The following GRIA1 variants were observed in gnomAD, a reference collection of about 807,000 sequenced individuals.
The protein encoded by GRIA1 is glutamate receptor 1.
GRIA1 carries 31 observed loss-of-function variants against 99.2 expected under a neutral mutation model. The ratio of observed to expected loss-of-function variants is 0.31; its 90% confidence interval spans 0.23 to 0.42. The LOEUF is 0.42. GRIA1 is among the 10% of genes least tolerant of loss of function. The pLI is 1.00. For synonymous variants in GRIA1, 438 were observed against 432.4 expected, an observed-to-expected ratio of 1.01 and a Z score of -0.16; for missense variants, 782 against 1,157.5, an observed-to-expected ratio of 0.68 and a Z score of 4.71.
chr5:153,535,252 G>A (rs1191813810), intron 2 of GRIA1, among the ~76,000 whole-genome samples: 4 of 152,166 alleles, frequency 2.6e-5, no homozygotes, highest in Non-Finnish European at 5.9e-5. Flanking sequence ...GGGTTGTTAG[G>A]ATAAGGTGGG....
In GRIA1 at chr5:153,490,983, G is replaced by A; in HGVS notation, c.82+13G>A. ...AATATCCAGATCGGTGAGTGAGGGG[G>A]CAGCCTGGGGAGGGACTTTCTGGGT... On this transcript the variant is annotated intron_variant, in intron 1 of 15. Transcript: ENST00000285900. The A allele has an allele frequency of 1.2e-6, 2 of 1,611,596 alleles. No homozygotes were observed. Among genetic ancestry groups the A allele is most frequent in the Admixed American group, 1.7e-5 (1 of 60,024 alleles).
chr5:153,734,203 A>G (rs1004475879), intron 11 of GRIA1, among the ~76,000 whole-genome samples: 3 of 152,100 alleles, frequency 2.0e-5, no homozygotes, highest in African/African-American at 4.8e-5. Flanking sequence ...AAGCTCCCCA[A>G]TTCCTGCATG....
At chr5:153,783,281 C>CAGGACAGAGGGAGT (rs1764755662) in intron 13 of GRIA1, among the ~76,000 whole-genome samples, 1 of 152,176 alleles carries the variant, frequency 6.6e-6, no homozygotes, top group Non-Finnish European at 1.5e-5. Context: ...TGTTTCCACT[C>CAGGACAGAGGGAGT]CCTCCATTAA....
intron 11 of GRIA1, among the ~76,000 whole-genome samples, chr5:153,725,836 C>T (rs1760481998): frequency 7.4e-6 from 1 of 135,768 alleles, no homozygotes; most frequent in Admixed American, 7.6e-5. Context: ...ATCAACGAGA[C>T]AGAAAATTAA....
chr5:153,534,601 G>C (rs1208105774), intron 2 of GRIA1, among the ~76,000 whole-genome samples: 1 of 152,192 alleles, frequency 6.6e-6, no homozygotes, highest in Non-Finnish European at 1.5e-5. Flanking sequence ...TAATGTATTG[G>C]TAGTTGCTCA....
At chr5:153,629,749 C>T (rs75052125) in intron 2 of GRIA1, among the ~76,000 whole-genome samples, 1 of 152,174 alleles carries the variant, frequency 6.6e-6, no homozygotes, top group African/African-American at 2.4e-5. Flanking sequence ...TAAGGGATTG[C>T]CCTTCCCTCT....
At chr5:153,770,016 C>A in intron 12 of GRIA1, 152 bp from the exon 13 acceptor site, 1 of 727,592 alleles carries the variant, frequency 1.4e-6, no homozygotes, top group Non-Finnish European at 2.4e-6. Flanking sequence ...CTAATTAGAG[C>A]CTCTTATTTT....
At chr5:153,490,547 T>G, upstream of GRIA1, 1 of 372,864 alleles carries the variant, frequency 2.7e-6, no homozygotes, top group Non-Finnish European at 5.0e-6. Context: ...CCTGTGTGAG[T>G]GTGAGGGGGA....
chr5:153,711,943 G>C (rs572970888), intron 11 of GRIA1, among the ~76,000 whole-genome samples: 1 of 152,318 alleles, frequency 6.6e-6, no homozygotes, highest in East Asian at 1.9e-4. Flanking sequence ...TCTCCACCTA[G>C]TGGAGATAAT....
At chr5:153,600,357 A>C (rs1246633526) in intron 2 of GRIA1, among the ~76,000 whole-genome samples, 1 of 129,060 alleles carries the variant, frequency 7.7e-6, no homozygotes, top group African/African-American at 3.0e-5. Context: ...GCGCCGCTGC[A>C]CTCCAGCCTG....
At chr5:153,663,919 G>A (rs1755557547) in intron 5 of GRIA1, among the ~76,000 whole-genome samples, 1 of 152,174 alleles carries the variant, frequency 6.6e-6, no homozygotes, top group South Asian at 2.1e-4. Flanking sequence ...CACCTAGGCT[G>A]ATTTGGAATG....
intron 2 of GRIA1, among the ~76,000 whole-genome samples, chr5:153,563,509 A>G (rs972078064): frequency 2.0e-5 from 3 of 152,242 alleles, no homozygotes; most frequent in African/African-American, 7.2e-5. Flanking sequence ...AACTCAGGTT[A>G]GTCTATGGCT....
At chr5:153,492,610 C>A (rs536422998) in intron 1 of GRIA1, among the ~76,000 whole-genome samples, 1 of 152,112 alleles carries the variant, frequency 6.6e-6, no homozygotes, top group Admixed American at 6.5e-5. Flanking sequence ...TATATACTAC[C>A]TATCCTTTGT....
chr5:153,709,494 A>T (rs991993335), intron 11 of GRIA1, among the ~76,000 whole-genome samples: 1 of 152,238 alleles, frequency 6.6e-6, no homozygotes, highest in East Asian at 1.9e-4. Context: ...TTGTCTGCAA[A>T]TAACATCAAA....
At position 153,808,759 on chromosome 5, in the gene GRIA1, G is replaced by A. The variant is rs148328368; in HGVS notation, c.2521-2266G>A. Among the ~76,000 whole-genome samples the A allele has an allele frequency of 2.9e-3, 446 of 152,280 alleles. 3 individuals carry two copies. Among genetic ancestry groups the A allele is most frequent in the African/African-American group, 9.9e-3 (412 of 41,550 alleles). ...TTGGGCTCCATTTATCATTTCTCCT[G>A]ACTTTCATAAATGTATTCAAAAAGA... On this transcript the variant is annotated intron_variant, in intron 15 of 15. Transcript: ENST00000285900.
At chr5:153,704,659 C>T (rs1758763899) in intron 10 of GRIA1, among the ~76,000 whole-genome samples, 1 of 152,306 alleles carries the variant, frequency 6.6e-6, no homozygotes, top group Non-Finnish European at 1.5e-5. Flanking sequence ...CTATTATTCC[C>T]ATGGTTCCCT....
intron 2 of GRIA1, among the ~76,000 whole-genome samples, chr5:153,523,376 T>C (rs563611962): frequency 2.6e-5 from 4 of 152,286 alleles, no homozygotes; most frequent in African/African-American, 9.6e-5. Flanking sequence ...CATTATGCAG[T>C]TTACCACTTC....
intron 2 of GRIA1, among the ~76,000 whole-genome samples, chr5:153,546,657 A>G (rs1226155306): frequency 6.6e-6 from 1 of 152,132 alleles, no homozygotes; most frequent in Non-Finnish European, 1.5e-5. Context: ...GCCCAAGGAA[A>G]CACAGTTTAT....
chr5:153,696,608 G>A (rs891545115), intron 8 of GRIA1, among the ~76,000 whole-genome samples: 1 of 152,238 alleles, frequency 6.6e-6, no homozygotes, highest in Non-Finnish European at 1.5e-5. Context: ...AACTGGGAAA[G>A]ACATGAAGGT....
Sources: gnomAD v4.1 joint callset for allele counts (sites outside exome capture counted in the v4.1 genomes callset) on GRCh38, gnomAD v4.1.1 for gene constraint, MANE v1.5 for transcripts, NCBI Gene and HGNC (gene_info 2026-07-23, HGNC 2026-07-21) for gene names.